ASMT: variants seen among roughly 807,000 people sequenced by gnomAD.
The protein encoded by ASMT is acetylserotonin N-methyltransferase.
ASMT carries 53 observed loss-of-function variants against 41.3 expected under a neutral mutation model. The observed-to-expected ratio is 1.28, with a 90% confidence interval of 1.03 to 1.61. The LOEUF (loss-of-function observed/expected upper bound fraction) is 1.61, where lower values mean the gene tolerates loss of function less well. Ranked by LOEUF, ASMT falls within the 40% of genes most tolerant of loss-of-function variation. The pLI is 0.00. For missense variants in ASMT, 531 were observed against 441.3 expected (o/e 1.20, Z -1.82); for synonymous variants, 231 against 184.8 (o/e 1.25, Z -2.03).
intron 5 of ASMT, among the ~76,000 whole-genome samples, chrX:1,631,501 C>G (rs1348069860): frequency 6.6e-6 from 1 of 152,288 alleles, no homozygotes; most frequent in Non-Finnish European, 1.5e-5. Flanking sequence ...CAGCTCCTGG[C>G]TGGTAGAAGG....
intron 3 of ASMT, 73 bp downstream of exon 3, chrX:1,624,471 C>T: frequency 7.1e-7 from 1 of 1,416,748 alleles, no homozygotes; most frequent in Non-Finnish European, 9.6e-7. Flanking sequence ...GTGGGGGCTG[C>T]CCCCAGGCAG....
chrX:1,632,379 C>T (rs1238236676), intron 5 of ASMT, among the ~76,000 whole-genome samples: 18 of 152,034 alleles, frequency 1.2e-4, no homozygotes, highest in Admixed American at 3.3e-4. Context: ...CGGCCGGGCG[C>T]GGTGGCTCAC....
intron 1 of ASMT, 72 bp downstream of exon 1, chrX:1,615,340 G>T: frequency 7.1e-7 from 1 of 1,411,866 alleles, no homozygotes; most frequent in Non-Finnish European, 9.8e-7. Context: ...TGTTGTGTCA[G>T]TCGAGAAAAA....
intron 1 of ASMT, among the ~76,000 whole-genome samples, chrX:1,620,570 A>G (rs1438719132): frequency 2.6e-5 from 4 of 152,166 alleles, no homozygotes; most frequent in Non-Finnish European, 4.4e-5. Context: ...CCAAACAGGA[A>G]TTGATAACAG....
intron 8 of ASMT, among the ~76,000 whole-genome samples, chrX:1,640,505 C>A (rs192842250): frequency 1.3e-3 from 62 of 48,904 alleles, no homozygotes; most frequent in Admixed American, 3.2e-3. Context: ...CATCCTGATG[C>A]TTCATGAGGA....
intron 4 of ASMT, among the ~76,000 whole-genome samples, chrX:1,628,443 C>A (rs1416783457): frequency 6.6e-6 from 1 of 152,160 alleles, no homozygotes; most frequent in East Asian, 1.9e-4. Context: ...TTGGCCTTTG[C>A]CCGAAGCTCT....
chrX:1,619,133 C>A (rs1290762809), intron 1 of ASMT, among the ~76,000 whole-genome samples: 1 of 152,104 alleles, frequency 6.6e-6, no homozygotes, highest in Non-Finnish European at 1.5e-5. Flanking sequence ...CAGTGGCTCA[C>A]GCCTGTAATC....
chrX:1,633,377 A>G (rs1312643798), intron 7 of ASMT, 87 bp downstream of exon 7: 1 of 1,567,130 alleles, frequency 6.4e-7, no homozygotes, highest in Non-Finnish European at 8.8e-7. Context: ...AGAAGATGTG[A>G]TGTGGTTTTC....
At chrX:1,622,836 C>T (rs1409186858) in intron 1 of ASMT, among the ~76,000 whole-genome samples, 31 of 151,610 alleles carry the variant, frequency 2.0e-4, no homozygotes, top group Admixed American at 1.4e-3. Flanking sequence ...GGTGTGAAGC[C>T]GGGAGGCAGA....
chrX:1,617,597 C>CG (rs1934182969), intron 1 of ASMT, among the ~76,000 whole-genome samples: 1 of 151,384 alleles, frequency 6.6e-6, no homozygotes, highest in Admixed American at 6.6e-5. Context: ...AGCAAGCCAC[C>CG]GGTTTTTTTT....
At chrX:1,636,200 GC>G (rs1406009110) in intron 7 of ASMT, 2 of 581,398 alleles carry the variant, frequency 3.4e-6, no homozygotes, top group Non-Finnish European at 6.4e-6. Flanking sequence ...CTCGTGATCT[GC>G]CCACCTCCGC....
chrX:1,615,295 G>T, intron 1 of ASMT, 27 bp downstream of exon 1: 7 of 1,566,392 alleles, frequency 4.5e-6, no homozygotes, highest in Non-Finnish European at 6.1e-6. Context: ...GGGACAAGGG[G>T]GAATAGACTT....
At chrX:1,618,736 T>G (rs1385656723) in intron 1 of ASMT, among the ~76,000 whole-genome samples, 1 of 152,220 alleles carries the variant, frequency 6.6e-6, no homozygotes, top group African/African-American at 2.4e-5. Context: ...CATGTCTGGC[T>G]AATTTTTCTA....
intron 6 of ASMT, 180 bp from the exon 7 acceptor site, chrX:1,632,970 C>T (rs1409628087): frequency 5.4e-6 from 1 of 185,116 alleles, no homozygotes; most frequent in Non-Finnish European, 1.0e-5. Flanking sequence ...TGTAACAAAA[C>T]CGCATGTTCT....
intron 1 of ASMT, among the ~76,000 whole-genome samples, chrX:1,622,317 T>G (rs1188052452): frequency 1.4e-5 from 2 of 146,508 alleles, no homozygotes; most frequent in African/African-American, 5.1e-5. Flanking sequence ...TGAGACAGAG[T>G]CTTACTCTGT....
intron 8 of ASMT, among the ~76,000 whole-genome samples, chrX:1,636,999 TGTG>T: frequency 1.3e-5 from 1 of 79,860 alleles, no homozygotes; most frequent in South Asian, 4.1e-4. Context: ...AGCCTCTGTG[TGTG>T]ATGGGGACAG....
chrX:1,635,485 C>A (rs770953626), intron 7 of ASMT, among the ~76,000 whole-genome samples: 1 of 152,078 alleles, frequency 6.6e-6, no homozygotes, highest in Non-Finnish European at 1.5e-5. Flanking sequence ...AGCTGCTGAC[C>A]GAATTCCCAG....
chrX:1,642,556 C>T (rs1935229739), intron 8 of ASMT, among the ~76,000 whole-genome samples: 1 of 146,824 alleles, frequency 6.8e-6, no homozygotes, highest in Non-Finnish European at 1.5e-5. Context: ...TGAGGTCCAT[C>T]CATCCTGATG....
At chrX:1,616,916 G>C (rs1166196571) in intron 1 of ASMT, among the ~76,000 whole-genome samples, 1 of 151,896 alleles carries the variant, frequency 6.6e-6, no homozygotes, top group Non-Finnish European at 1.5e-5. Context: ...CACCGTGTTA[G>C]CCAGGATGGT....
Sources: allele counts gnomAD v4.1 joint callset (sites outside exome capture counted in the v4.1 genomes callset), GRCh38; gene constraint gnomAD v4.1.1; transcripts MANE v1.5; gene names NCBI Gene and HGNC (gene_info 2026-07-23, HGNC 2026-07-21).